RARS2: variants seen among roughly 807,000 people sequenced by gnomAD.
RARS2 encodes the protein arginyl-tRNA synthetase 2, mitochondrial.
Under a neutral mutation model 88.5 loss-of-function variants are expected in RARS2, and 67 were observed. The ratio of observed to expected loss-of-function variants is 0.76; its 90% CI spans 0.62 to 0.93. RARS2 has a LOEUF of 0.93. RARS2 is among the 40% of genes least tolerant of loss of function. The pLI, the probability that RARS2 is intolerant of heterozygous loss-of-function variation, is 0.00. For synonymous variants in RARS2, 239 were observed against 230.3 expected, an observed-to-expected ratio of 1.04 and a Z score of -0.34; for missense variants, 664 against 684.2, an observed-to-expected ratio of 0.97 and a Z score of 0.33.
intron 8 of RARS2, among the ~76,000 whole-genome samples, chr6:87,538,337 T>C (rs754620367): frequency 3.3e-5 from 5 of 152,192 alleles, no homozygotes; most frequent in Non-Finnish European, 5.9e-5. Flanking sequence ...ACCATTATTA[T>C]TCGACTTTTT....
intron 1 of RARS2, among the ~76,000 whole-genome samples, chr6:87,575,225 G>GTA (rs1771037880): frequency 8.7e-6 from 1 of 114,562 alleles, no homozygotes; most frequent in Non-Finnish European, 1.8e-5. Context: ...AAAATAGAAA[G>GTA]CACACACACA....
At chr6:87,529,298 T>A (rs926941595) in intron 10 of RARS2, among the ~76,000 whole-genome samples, 1 of 152,204 alleles carries the variant, frequency 6.6e-6, no homozygotes, top group Non-Finnish European at 1.5e-5. Flanking sequence ...GTAGGTCACT[T>A]ATATTTTCTG....
chr6:87,579,750 CAG>C (rs1193432499), intron 1 of RARS2, among the ~76,000 whole-genome samples: 1 of 93,296 alleles, frequency 1.1e-5, no homozygotes, highest in Non-Finnish European at 1.9e-5. Context: ...TTTTTTGAGA[CAG>C]AGTCTCGCTC....
intron 10 of RARS2, among the ~76,000 whole-genome samples, chr6:87,526,578 G>C (rs13210643): frequency 6.8e-6 from 1 of 146,328 alleles, no homozygotes; most frequent in Non-Finnish European, 1.5e-5. Context: ...ACAAACTATA[G>C]TAATCAAAAC....
Position 87,516,900 on chromosome 6 carries a change from G to A in RARS2, c.1512-20C>T. The stretch of plus-strand genomic sequence containing the variant: ...TCGAACCTAAAAGATGACAGGAACA[G>A]TGAACAGGAAAAGACTGTACACATT... On this transcript the variant is annotated intron_variant, in intron 17 of 19. Coordinates refer to ENST00000369536, the MANE Select transcript of RARS2 (RefSeq NM_020320.5). 1 of 1,613,126 alleles carries A rather than the reference G, an allele frequency of 6.2e-7. No individual in the cohort carries two copies. Among genetic ancestry groups the A allele is most frequent in the Non-Finnish European group, 8.5e-7 (1 of 1,179,402 alleles).
chr6:87,523,559 G>A (rs1486071743), intron 11 of RARS2, among the ~76,000 whole-genome samples: 3 of 152,142 alleles, frequency 2.0e-5, no homozygotes, highest in African/African-American at 7.2e-5. Flanking sequence ...ACACAGAAAA[G>A]TCTACATCTA....
intron 1 of RARS2, among the ~76,000 whole-genome samples, chr6:87,575,774 G>A (rs1034265239): frequency 1.3e-5 from 2 of 151,676 alleles, no homozygotes; most frequent in African/African-American, 4.8e-5. Flanking sequence ...ACACCACTCA[G>A]CAATAAAATC....
intron 5 of RARS2, 134 bp from the exon 6 acceptor site, chr6:87,548,780 T>A: frequency 1.3e-6 from 1 of 787,518 alleles, no homozygotes; most frequent in Non-Finnish European, 2.0e-6. Context: ...AGTTAAAAGT[T>A]AAAAATTTAG....
At chr6:87,564,335 CAGA>C (rs1320040930) in intron 2 of RARS2, 103 bp from the exon 3 acceptor site, 11 of 854,238 alleles carry the variant, frequency 1.3e-5, no homozygotes, top group Admixed American at 3.9e-5. Context: ...ATACCTTTAC[CAGA>C]AGAAGGTGTT....
Position 87,519,610 on chromosome 6 carries a change from T to C in RARS2, c.1210A>G (p.Met404Val), listed in dbSNP as rs753913206. The change falls in exon 14 of 20, where the codon ATG (methionine) becomes GTG (valine). Residue 404 changes from methionine to valine, a missense_variant. Coordinates refer to ENST00000369536, the MANE Select transcript of RARS2 (RefSeq NM_020320.5). ...EDVLNEIQLR[M>V]LQNMASIKTT... The stretch of plus-strand genomic sequence containing the variant: ...TTAATTGAAGCCATGTTCTGTAGCA[T>C]CCTTAATTGAATCTCATTTAAAACA... The C allele has an allele frequency of 1.2e-6, 2 of 1,612,724 alleles. No individual in the cohort carries two copies. Among genetic ancestry groups the C allele is most frequent in the East Asian group, 4.5e-5 (2 of 44,856 alleles).
At chr6:87,559,928 T>A (rs1034907184) in intron 4 of RARS2, among the ~76,000 whole-genome samples, 3 of 152,218 alleles carry the variant, frequency 2.0e-5, no homozygotes, top group African/African-American at 7.2e-5. Context: ...CATGTTAAGA[T>A]ACAAATACCA....
In RARS2 at chr6:87,585,222, A is replaced by T. The variant is rs373409347; in HGVS notation, c.36+4700T>A. On this transcript the variant is annotated intron_variant, in intron 1 of 19. Coordinates refer to ENST00000369536, the MANE Select transcript of RARS2 (RefSeq NM_020320.5). ...AGAGATACTCAGGTATTCATTCTTC[A>T]AATACACATTAAACACTTATGTTTC... Among the ~76,000 whole-genome samples, 5 of 152,344 alleles carry T rather than the reference A, an allele frequency of 3.3e-5. No homozygotes were observed. In the South Asian group the frequency reaches 1.0e-3, roughly 32 times the overall value.
In RARS2 at chr6:87,548,655, A is replaced by G. The variant is rs2128126969; in HGVS notation, c.396-9T>C. ...TGGCAACATTAGGTGAACTGCAAAA[A>G]AAATGGGAAACATTTCTCTATTCTA... On this transcript the variant is annotated splice_polypyrimidine_tract_variant and intron_variant, in intron 5 of 19. Transcript: ENST00000369536. 1 of 1,611,552 alleles carries G rather than the reference A, an allele frequency of 6.2e-7. No homozygotes were observed. Among genetic ancestry groups the G allele is most frequent in the Non-Finnish European group, 8.5e-7 (1 of 1,178,598 alleles).
In RARS2 at chr6:87,530,895, T is replaced by G. The variant is rs553502877; in HGVS notation, c.660A>C (p.Ala220=). The G allele has an allele frequency of 3.6e-4, 588 of 1,614,232 alleles. 5 individuals are homozygous for G. In the South Asian group the frequency reaches 6.1e-3, roughly 17 times the overall value. The change falls in exon 9 of 20, where the codon GCA becomes GCC. Residue 220 remains alanine, a synonymous_variant. Transcript: ENST00000369536. ...NKEAADDKSV[A]KAAQEFFQRL... ...GTTGGAAGAACTCCTGTGCTGCTTT[T>G]GCTACACTTTTATCATCTGCTGCTT...
intron 14 of RARS2, 63 bp from the exon 15 acceptor site, chr6:87,518,954 T>A: frequency 6.6e-7 from 1 of 1,520,364 alleles, no homozygotes; most frequent in Non-Finnish European, 9.1e-7. Flanking sequence ...TGGATCCAAG[T>A]GAAGGTAACA....
intron 8 of RARS2, 152 bp from the exon 9 acceptor site, chr6:87,531,094 A>G (rs1309761922): frequency 4.2e-6 from 5 of 1,196,452 alleles, no homozygotes; most frequent in African/African-American, 1.5e-5. Context: ...CTTTTTTGCC[A>G]TGGGCCCCTG....
rs995866275 is a variant in RARS2, at chr6:87,565,897, A to G, written c.111-1665T>C. Among the ~76,000 whole-genome samples the G allele has an allele frequency of 2.6e-5, 4 of 152,342 alleles. 1 individual carries two copies. The South Asian group carries it at 8.3e-4, about 32-fold the overall frequency. ...TATTTCCTTCATTAACACTTATGAA[A>G]CTCAGGGAAATAACTAAAAATTCCT... On this transcript the variant is annotated intron_variant, in intron 2 of 19. Transcript: ENST00000369536.
intron 8 of RARS2, among the ~76,000 whole-genome samples, chr6:87,541,096 G>A (rs966872728): frequency 6.6e-6 from 1 of 152,098 alleles, no homozygotes; most frequent in African/African-American, 2.4e-5. Flanking sequence ...TATACCTGAA[G>A]AAATACTGTC....
At chr6:87,542,823 G>A (rs2128109290) in intron 7 of RARS2, among the ~76,000 whole-genome samples, 1 of 149,180 alleles carries the variant, frequency 6.7e-6, no homozygotes, top group East Asian at 2.0e-4. Context: ...AATATTAGTT[G>A]GGAGGCGGGA....
Sources: allele counts gnomAD v4.1 joint callset (sites outside exome capture counted in the v4.1 genomes callset), GRCh38; gene constraint gnomAD v4.1.1; transcripts MANE v1.5; gene names NCBI Gene and HGNC (gene_info 2026-07-23, HGNC 2026-07-21).